The following NECAB2 variants were observed in gnomAD, a reference collection of about 807,000 sequenced individuals.
The protein encoded by NECAB2 is N-terminal EF-hand calcium-binding protein 2.
Under a neutral mutation model 51.9 loss-of-function variants are expected in NECAB2, and 68 were observed. The ratio of observed to expected loss-of-function variants is 1.31; its 90% CI spans 1.08 to 1.60. NECAB2 has a LOEUF of 1.60. NECAB2 is among the 40% of genes most tolerant of loss of function. NECAB2 has a pLI of 0.00. For missense variants in NECAB2, 854 were observed against 490.3 expected (o/e 1.74, Z -7.00); for synonymous variants, 329 against 203.5 (o/e 1.62, Z -5.25).
Position 84,002,562 on chromosome 16 carries a change from G to C in NECAB2, c.*216G>C, listed in dbSNP as rs1220177118. 5 of 631,466 alleles carry C rather than the reference G, an allele frequency of 7.9e-6. No homozygotes were observed. The highest frequency in any genetic ancestry group is 1.4e-5 in the Non-Finnish European group (5 of 364,838). 39.1% of individuals were successfully genotyped at this position (631,466 alleles called of 1,614,324 possible). A position where few individuals can be genotyped will look rare whatever the true frequency, so the allele number is the denominator to read the frequency against. On this transcript the variant is annotated 3_prime_UTR_variant, in exon 13 of 13. Coordinates refer to ENST00000305202, the MANE Select transcript of NECAB2 (RefSeq NM_019065.3). ...GCTGCCAGGTCCTGGTGAAGCCCAA[G>C]GTTGAAGGGGGCGGCTTCCTGGAGC...
Position 83,972,526 on chromosome 16 carries a change from C to T in NECAB2, c.226+351C>T, listed in dbSNP as rs188592804. Among the ~76,000 whole-genome samples, 636 of 152,340 alleles carry T rather than the reference C, an allele frequency of 4.2e-3. 5 individuals carry two copies. The highest frequency in any genetic ancestry group is 0.017 in the Middle Eastern group (5 of 294). ...GCCCGGGCTGGGGCCCAGAAACCCT[C>T]CTTGAAAGGAAGCCGCCAGCCTCAC... On this transcript the variant is annotated intron_variant, in intron 2 of 12. Coordinates refer to ENST00000305202, the MANE Select transcript of NECAB2 (RefSeq NM_019065.3).
At chr16:83,977,083 G>A (rs2084419881) in intron 2 of NECAB2, among the ~76,000 whole-genome samples, 1 of 152,234 alleles carries the variant, frequency 6.6e-6, no homozygotes, top group Non-Finnish European at 1.5e-5. Flanking sequence ...CATCCTCTCG[G>A]CAGAGAAAGG....
At chr16:83,997,095 C>G (rs1008403697) in intron 8 of NECAB2, 121 bp from the exon 9 acceptor site, 3 of 1,126,186 alleles carry the variant, frequency 2.7e-6, no homozygotes, top group African/African-American at 3.1e-5. Flanking sequence ...GTCTCCCAGC[C>G]CTGTGCAACA....
intron 5 of NECAB2, among the ~76,000 whole-genome samples, chr16:83,983,952 AC>A (rs2084519383): frequency 6.6e-6 from 1 of 150,570 alleles, no homozygotes; most frequent in East Asian, 1.9e-4. Context: ...CTTTTAGTCA[AC>A]TTTTTCACTT....
intron 5 of NECAB2, among the ~76,000 whole-genome samples, chr16:83,988,338 A>G (rs1457824800): frequency 1.3e-5 from 2 of 152,156 alleles, no homozygotes; most frequent in African/African-American, 4.8e-5. Flanking sequence ...TACAATTCCT[A>G]GTTTTCACTT....
intron 1 of NECAB2, among the ~76,000 whole-genome samples, chr16:83,969,943 C>G (rs898715727): frequency 6.6e-6 from 1 of 152,162 alleles, no homozygotes; most frequent in East Asian, 1.9e-4. Flanking sequence ...CTGGGAGGGC[C>G]GGCCAGAGCA....
At chr16:83,968,129 G>A (rs558393826), upstream of NECAB2, among the ~76,000 whole-genome samples, 1 of 151,750 alleles carries the variant, frequency 6.6e-6, no homozygotes, top group East Asian at 2.0e-4. Context: ...GCACGCCCGC[G>A]GGAGTTAAGG....
upstream of NECAB2, chr16:83,965,371 C>T (rs759198164): frequency 1.3e-6 from 2 of 1,573,402 alleles, no homozygotes; most frequent in Non-Finnish European, 8.6e-7. Flanking sequence ...CCTTCATCCA[C>T]CATGAGCTGT....
intron 5 of NECAB2, among the ~76,000 whole-genome samples, chr16:83,984,424 T>C (rs1446351970): frequency 2.0e-5 from 3 of 151,974 alleles, no homozygotes; most frequent in Admixed American, 2.0e-4. Flanking sequence ...GCACATTAAG[T>C]TCAATAAAAG....
Position 83,980,923 on chromosome 16 carries a change from A to C in NECAB2, c.361+59A>C, listed in dbSNP as rs1428700286. The C allele has an allele frequency of 4.3e-6, 7 of 1,611,816 alleles. No individual in the cohort carries two copies. In the East Asian group the frequency reaches 1.6e-4, roughly 36 times the overall value. Reference sequence around the variant, plus strand: ...GATGCTGGGATGGGGCTGGATGAGAAGGGCCTGAGGCAGGGGAGGCTGGAG... The same window carrying C: ...GATGCTGGGATGGGGCTGGATGAGACGGGCCTGAGGCAGGGGAGGCTGGAG... On this transcript the variant is annotated intron_variant, in intron 4 of 12. Coordinates refer to ENST00000305202, the MANE Select transcript of NECAB2 (RefSeq NM_019065.3).
At chr16:83,999,719 G>A (rs116669805) in intron 10 of NECAB2, among the ~76,000 whole-genome samples, 2,817 of 152,170 alleles carry the variant, frequency 0.019, 95 homozygotes, top group African/African-American at 0.063. Flanking sequence ...ATAGAGCAAT[G>A]GGGGACTTGC....
At chr16:83,976,991 C>G (rs2084418901) in intron 2 of NECAB2, among the ~76,000 whole-genome samples, 1 of 152,242 alleles carries the variant, frequency 6.6e-6, no homozygotes, top group African/African-American at 2.4e-5. Context: ...GTGCGCTGCA[C>G]AAGGGCACCC....
At chr16:84,000,669 T>A (rs1282132964) in intron 10 of NECAB2, 55 bp from the exon 11 acceptor site, 3 of 1,527,854 alleles carry the variant, frequency 2.0e-6, no homozygotes, top group East Asian at 2.3e-5. Context: ...GGAACAGCAC[T>A]GAGGTGGCCT....
At chr16:84,001,152 A>ATGTGATCAATTGTTCCAGC (rs1555550073) in intron 11 of NECAB2, among the ~76,000 whole-genome samples, 1 of 152,110 alleles carries the variant, frequency 6.6e-6, no homozygotes, top group Non-Finnish European at 1.5e-5. Context: ...CTCAGTCCCC[A>ATGTGATCAATTGTTCCAGC]TGTGATCAAT....
In NECAB2 at chr16:84,000,706, G is replaced by A. The variant is rs74559877; in HGVS notation, c.963-18G>A. On this transcript the variant is annotated intron_variant, in intron 10 of 12. Coordinates refer to ENST00000305202, the MANE Select transcript of NECAB2 (RefSeq NM_019065.3). ...GGTTGAGCTCCAGCCTCCTCCCCCC[G>A]ACCATCTCCTGTTGCAGCATCACTG... 192 of 1,613,164 alleles carry A rather than the reference G, an allele frequency of 1.2e-4. 2 individuals carry two copies. Among genetic ancestry groups the A allele is most frequent in the South Asian group, 1.1e-3 (101 of 91,006 alleles).
At chr16:83,988,992 C>G (rs987236331) in intron 5 of NECAB2, among the ~76,000 whole-genome samples, 1 of 152,224 alleles carries the variant, frequency 6.6e-6, no homozygotes, top group Non-Finnish European at 1.5e-5. Flanking sequence ...AATAACTTGT[C>G]TTCTTTGGAA....
intron 3 of NECAB2, among the ~76,000 whole-genome samples, chr16:83,979,987 A>G (rs183090191): frequency 4.6e-5 from 7 of 152,298 alleles, no homozygotes; most frequent in Non-Finnish European, 7.4e-5. Flanking sequence ...TCTGAATATG[A>G]GATGGAGGTT....
intron 8 of NECAB2, among the ~76,000 whole-genome samples, chr16:83,996,453 T>A (rs2084700552): frequency 6.6e-6 from 1 of 152,292 alleles, no homozygotes; most frequent in South Asian, 2.1e-4. Context: ...GCTGTTTTCC[T>A]TATTAGCTGG....
chr16:83,991,687 C>G (rs1348101889), intron 6 of NECAB2, among the ~76,000 whole-genome samples: 1 of 151,904 alleles, frequency 6.6e-6, no homozygotes, highest in Admixed American at 6.6e-5. Flanking sequence ...CTTGCTGTGT[C>G]CCCCAGGCTG....
Sources: gnomAD v4.1 joint callset for allele counts (sites outside exome capture counted in the v4.1 genomes callset) on GRCh38, gnomAD v4.1.1 for gene constraint, MANE v1.5 for transcripts, NCBI Gene and HGNC (gene_info 2026-07-23, HGNC 2026-07-21) for gene names.